The following MAEA variants were observed in gnomAD, a reference collection of about 807,000 sequenced individuals.
MAEA encodes E3 ubiquitin-protein transferase MAEA.
A neutral mutation model predicts 46.2 loss-of-function variants in MAEA; 22 were observed. The observed-to-expected ratio is 0.48, with a 90% CI of 0.34 to 0.68. MAEA has a LOEUF of 0.68. Ranked by LOEUF, MAEA falls within the 30% of genes least tolerant of loss-of-function variation. The probability of loss-of-function intolerance (pLI) is 0.01; values close to 1 mark genes in which losing one functional copy is unlikely to be tolerated. For synonymous variants in MAEA, 246 were observed against 222.6 expected, an observed-to-expected ratio of 1.11 and a Z score of -0.94; for missense variants, 393 against 558.1, an observed-to-expected ratio of 0.70 and a Z score of 2.98.
rs565710124 is a variant in MAEA, at chr4:1,297,195, C to T, written c.69+7213C>T. 3.0e-4 allele frequency among the ~76,000 whole-genome samples: 45 copies of T among 152,386 alleles called. 1 individual carries two copies. The South Asian group carries it at 3.9e-3, about 13-fold the overall frequency. On this transcript the variant is annotated intron_variant, in intron 1 of 8. Coordinates refer to ENST00000303400, the MANE Select transcript of MAEA (RefSeq NM_001017405.3). ...CAAGTCAGTTGACAGCGATGTCCCC[C>T]GGCACTTGTTCAGTGACAGCCGAGA...
intron 1 of MAEA, among the ~76,000 whole-genome samples, chr4:1,297,079 A>G (rs1037915595): frequency 6.6e-6 from 1 of 152,162 alleles, no homozygotes; most frequent in Non-Finnish European, 1.5e-5. Context: ...AGGCAGTTCA[A>G]AGATACGATA....
intron 1 of MAEA, among the ~76,000 whole-genome samples, chr4:1,293,689 A>G (rs4974590): frequency 0.15 from 23,467 of 152,130 alleles, 3,487 homozygotes; most frequent in East Asian, 0.42. Flanking sequence ...TCTCACACCC[A>G]AGGTGGTGAT....
chr4:1,298,015 C>T (rs935531579), intron 1 of MAEA: 23 of 456,200 alleles, frequency 5.0e-5, no homozygotes, highest in Admixed American at 2.3e-4. Context: ...AGAAGCCGCA[C>T]CTATCTGCTG....
intron 1 of MAEA, among the ~76,000 whole-genome samples, chr4:1,295,095 G>A (rs1433250894): frequency 6.6e-6 from 1 of 152,124 alleles, no homozygotes; most frequent in Admixed American, 6.5e-5. Flanking sequence ...GCAAGCCCAA[G>A]GAGACACATT....
At chr4:1,296,493 C>T (rs28444605) in intron 1 of MAEA, among the ~76,000 whole-genome samples, 1 of 139,182 alleles carries the variant, frequency 7.2e-6, no homozygotes, top group Non-Finnish European at 1.6e-5. Flanking sequence ...CCCTCACTTG[C>T]GCTGTGCCCC....
chr4:1,307,522 C>G (rs950295397), intron 1 of MAEA, among the ~76,000 whole-genome samples: 8 of 152,230 alleles, frequency 5.3e-5, no homozygotes, highest in Non-Finnish European at 1.2e-4. Flanking sequence ...TACTGTTCCA[C>G]TGTGTATTGT....
At chr4:1,315,731 C>A in intron 3 of MAEA, 131 bp downstream of exon 3, 1 of 655,116 alleles carries the variant, frequency 1.5e-6, no homozygotes, top group Non-Finnish European at 2.5e-6. Flanking sequence ...CCCCCGTATG[C>A]TTGTGTTCCC....
chr4:1,289,963 A>T lies in MAEA; in HGVS notation c.50A>T (p.Gln17Leu). 6.3e-7 allele frequency: 1 copy of T among 1,597,824 alleles called. No homozygotes were observed. Among genetic ancestry groups the T allele is most frequent in the Non-Finnish European group, 8.5e-7 (1 of 1,172,066 alleles). ...CAGTTGTCCATGACCCTGAAGGTCC[A>T]GGAGTACCCGACCCTCAAGGTGGGC... The part of the protein sequence containing the change: ...AAQLSMTLKV[Q>L]EYPTLKVPYE... Residue 17 changes from glutamine to leucine, a missense_variant, in exon 1 of 9, where the codon CAG (glutamine) becomes CTG (leucine). By Grantham distance (113) the Gln-to-Leu change is moderately radical. Transcript: ENST00000303400.
intron 2 of MAEA, among the ~76,000 whole-genome samples, chr4:1,312,892 A>G (rs182287144): frequency 5.3e-5 from 8 of 152,334 alleles, no homozygotes; most frequent in African/African-American, 1.9e-4. Flanking sequence ...CCAATAAACC[A>G]TGAAACCGAA....
intron 7 of MAEA, 59 bp from the exon 8 acceptor site, chr4:1,338,363 G>A (rs557340269): frequency 1.6e-4 from 226 of 1,425,516 alleles, no homozygotes; most frequent in South Asian, 3.1e-4. Flanking sequence ...GCCACAGGGG[G>A]CTGGGCTCAC....
intron 2 of MAEA, chr4:1,312,677 G>A (rs1736666639): frequency 6.3e-6 from 1 of 159,262 alleles, no homozygotes; most frequent in Non-Finnish European, 1.4e-5. Flanking sequence ...TGATTCACCT[G>A]CCTTGGCCTC....
intron 1 of MAEA, chr4:1,309,918 T>G: frequency 3.1e-6 from 4 of 1,287,066 alleles, no homozygotes; most frequent in Non-Finnish European, 3.0e-6. Context: ...AAAGGCCCCG[T>G]TCCCGCGTAG....
chr4:1,314,103 G>T (rs548283768), intron 2 of MAEA, among the ~76,000 whole-genome samples: 26 of 152,088 alleles, frequency 1.7e-4, no homozygotes, highest in Non-Finnish European at 3.2e-4. Context: ...CAAGGCAGGC[G>T]GATCACCTGA....
Position 1,338,482 on chromosome 4 carries a change from C to T in MAEA, c.960C>T (p.Ser320=), listed in dbSNP as rs377454420. 16 of 1,613,190 alleles carry T rather than the reference C, an allele frequency of 9.9e-6. No individual in the cohort carries two copies. In the South Asian group the frequency reaches 1.2e-4, roughly 12 times the overall value. The change falls in exon 8 of 9, where the codon TCC becomes TCT. Residue 320 remains serine (S), a synonymous_variant. Transcript: ENST00000303400. Reference sequence around the variant, plus strand: ...CTGACTGCCCTGTGTGCAGCCGCTCCCTGAACAAGCTGGCGCAGCCCCTGC... The same window carrying T: ...CTGACTGCCCTGTGTGCAGCCGCTCTCTGAACAAGCTGGCGCAGCCCCTGC... ...KSPDCPVCSR[S]LNKLAQPLPM...
chr4:1,336,799 T>C, intron 6 of MAEA, 62 bp from the exon 7 acceptor site: 1 of 1,547,520 alleles, frequency 6.5e-7, no homozygotes, highest in Non-Finnish European at 8.8e-7. Flanking sequence ...GTCCACGTTT[T>C]TAAGCTGTCC....
chr4:1,323,521 G>C (rs539899783), intron 4 of MAEA: 2 of 702,464 alleles, frequency 2.8e-6, no homozygotes, highest in African/African-American at 3.5e-5. Flanking sequence ...ACGAAGCAAA[G>C]ACGGGACGAA....
At chr4:1,306,854 C>T (rs899398377) in intron 1 of MAEA, among the ~76,000 whole-genome samples, 3 of 152,204 alleles carry the variant, frequency 2.0e-5, no homozygotes, top group African/African-American at 7.2e-5. Flanking sequence ...GTGATCCATT[C>T]GGAGGCACTT....
At position 1,303,348 on chromosome 4, in the gene MAEA, G is replaced by C. The variant is rs1735515239; in HGVS notation, c.70-8631G>C. On this transcript the variant is annotated intron_variant, in intron 1 of 8. Transcript: ENST00000303400. ...ACCGGGGAGGCAGAGGTTACAGTGAGCTGAGATCGCACTACTGCACTCCAG... is the reference window on the plus strand; with the variant it reads ...ACCGGGGAGGCAGAGGTTACAGTGACCTGAGATCGCACTACTGCACTCCAG... Among the ~76,000 whole-genome samples, 6 of 143,610 alleles carry C rather than the reference G, an allele frequency of 4.2e-5. No individual in the cohort carries two copies. In the South Asian group the frequency reaches 1.3e-3, roughly 31 times the overall value. 94.2% of individuals were successfully genotyped at this position (143,610 alleles called of 152,430 possible).
At chr4:1,306,384 A>G (rs7668661) in intron 1 of MAEA, among the ~76,000 whole-genome samples, 80,518 of 152,016 alleles carry the variant, frequency 0.53, 21,472 homozygotes, top group Admixed American at 0.59. Flanking sequence ...GCGAGGTGGC[A>G]GGCACCTGTA....
Sources: allele counts gnomAD v4.1 joint callset (sites outside exome capture counted in the v4.1 genomes callset), GRCh38; gene constraint gnomAD v4.1.1; transcripts MANE v1.5; gene names NCBI Gene and HGNC (gene_info 2026-07-23, HGNC 2026-07-21).